Variants in WNT2B observed in about 807,000 individuals in gnomAD.
WNT2B encodes protein Wnt-2b.
In WNT2B, 19 loss-of-function variants were observed where a neutral mutation model predicts 40.5. The observed-to-expected ratio is 0.47, with a 90% CI of 0.33 to 0.69. The LOEUF (loss-of-function observed/expected upper bound fraction) is 0.69. Ranked by LOEUF, WNT2B falls within the 30% of genes least tolerant of loss-of-function variation. The pLI, the probability that WNT2B is intolerant of heterozygous loss-of-function variation, is 0.02. For synonymous variants in WNT2B, 220 were observed against 211.9 expected (o/e 1.04, Z -0.33); for missense variants, 467 against 556.4 (o/e 0.84, Z 1.62).
chr1:112,517,368 T>A lies in WNT2B; in HGVS notation c.929T>A (p.Val310Asp), dbSNP rs1485859469. Residue 310 changes from valine (V) to aspartate (D), a missense_variant, in exon 4 of 5, where the codon GTC becomes GAC. By Grantham distance (152) the Val-to-Asp change is radical. Coordinates refer to ENST00000369684, the MANE Select transcript of WNT2B (RefSeq NM_024494.3). ...TTTGACAACTCTCCAGATTACTGTG[T>A]CTTGGACAAGGCTGCAGGTGAGTAA... ...VYFDNSPDYC[V>D]LDKAAGSLGT... 7.5e-6 allele frequency: 12 copies of A among 1,606,416 alleles called. No individual in the cohort carries two copies. Among genetic ancestry groups the A allele is most frequent in the Non-Finnish European group, 9.4e-6 (11 of 1,173,738 alleles).
At chr1:112,496,254 AC>A (rs1231325891) in intron 1 of WNT2B, among the ~76,000 whole-genome samples, 1 of 152,192 alleles carries the variant, frequency 6.6e-6, no homozygotes, top group Non-Finnish European at 1.5e-5. Context: ...AGCTAGGACT[AC>A]AGGCATTTGC....
intron 1 of WNT2B, among the ~76,000 whole-genome samples, chr1:112,491,771 G>C (rs1651612589): frequency 6.6e-6 from 1 of 152,096 alleles, no homozygotes; most frequent in Non-Finnish European, 1.5e-5. Flanking sequence ...CACACCTGTG[G>C]TCCTAACTAC....
intron 1 of WNT2B, among the ~76,000 whole-genome samples, chr1:112,476,581 C>T (rs1651060183): frequency 6.6e-6 from 1 of 152,186 alleles, no homozygotes; most frequent in Non-Finnish European, 1.5e-5. Context: ...ACCCCATCCC[C>T]CAGTCCAAGC....
chr1:112,491,086 A>G lies in WNT2B; in HGVS notation c.-95+23495A>G, dbSNP rs376409195. The G allele has an allele frequency of 3.0e-5, 49 of 1,613,354 alleles. 1 individual carries two copies. The highest frequency in any genetic ancestry group is 3.6e-5 in the Non-Finnish European group (43 of 1,179,680). On this transcript the variant is annotated intron_variant, in intron 1 of 4. Coordinates refer to the WNT2B transcript ENST00000256640. ...GTTCAACAAGTGTTTGCAAAGGTACATGATAATTAAAATGTCAGATAACCA... is the reference window on the plus strand; with the variant it reads ...GTTCAACAAGTGTTTGCAAAGGTACGTGATAATTAAAATGTCAGATAACCA...
intron 1 of WNT2B, among the ~76,000 whole-genome samples, chr1:112,476,121 C>T (rs551885124): frequency 3.7e-4 from 57 of 152,006 alleles, no homozygotes; most frequent in Non-Finnish European, 6.8e-4. Flanking sequence ...CAATGGAATT[C>T]AATTAGAGTA....
chr1:112,495,893 A>C (rs1651752458), intron 1 of WNT2B, among the ~76,000 whole-genome samples: 1 of 152,182 alleles, frequency 6.6e-6, no homozygotes, highest in Admixed American at 6.6e-5. Context: ...GGTGTCTTGA[A>C]TGCTGAATCC....
chr1:112,476,687 C>T (rs1297574512), intron 1 of WNT2B, among the ~76,000 whole-genome samples: 1 of 152,168 alleles, frequency 6.6e-6, no homozygotes, highest in Admixed American at 6.5e-5. Flanking sequence ...CCTTTGCCAC[C>T]AATGCAAACA....
upstream of WNT2B, among the ~76,000 whole-genome samples, chr1:112,508,341 G>A (rs953502483): frequency 2.0e-5 from 3 of 150,788 alleles, no homozygotes; most frequent in African/African-American, 7.3e-5. This position sits in a 1 kb window ranked among gnomAD's most constrained non-coding sequence, Gnocchi z 4.2. Flanking sequence ...ACCCGGGCCG[G>A]GCAGGCCGGG....
chr1:112,490,919 C>T (rs1010081196), intron 1 of WNT2B: 1 of 1,325,544 alleles, frequency 7.5e-7, no homozygotes, highest in Non-Finnish European at 1.1e-6. Context: ...AATAGCTCTA[C>T]CCTAAATAAA....
rs1653093061 is a variant in WNT2B at position 112,524,357 on chromosome 1, A to G, written c.*3848A>G. ...GCGAAGGGAGGACGCCAGGGAGAGT[A>G]TGTTTCTCATCCCTGGGAGGCATTC... On this transcript the variant is annotated 3_prime_UTR_variant, in exon 5 of 5. Transcript: ENST00000369684. 1 of 152,554 alleles carries G rather than the reference A, an allele frequency of 6.6e-6. No individual in the cohort carries two copies. Among genetic ancestry groups the G allele is most frequent in the Non-Finnish European group, 1.5e-5 (1 of 68,038 alleles). 9.5% of individuals were successfully genotyped at this position (152,554 alleles called of 1,614,324 possible). A position where few individuals can be genotyped will look rare whatever the true frequency, so the allele number is the denominator to read the frequency against.
At chr1:112,520,187 T>C (rs2101100520) in intron 4 of WNT2B, 93 bp from the exon 5 acceptor site, 1 of 1,318,502 alleles carries the variant, frequency 7.6e-7, no homozygotes, top group South Asian at 1.3e-5. Context: ...AAAAAAGCGA[T>C]TCTTTTTATC....
In WNT2B at chr1:112,526,046, CA is replaced by C. The variant is rs1425207521; in HGVS notation, c.*5540del. 3 of 1,614,080 alleles carry C rather than the reference CA, an allele frequency of 1.9e-6. No homozygotes were observed. In the African/African-American group the frequency reaches 4.0e-5, roughly 22 times the overall value. ...AACTCAAACCTAGGTCTTCTGACTTCAAATCCTGTGTATTCTCCTCAAAGCC... is the reference window on the plus strand; with the variant it reads ...AACTCAAACCTAGGTCTTCTGACTTCAATCCTGTGTATTCTCCTCAAAGCC... On this transcript the variant is annotated 3_prime_UTR_variant, in exon 5 of 5. Coordinates refer to ENST00000369684, the MANE Select transcript of WNT2B (RefSeq NM_024494.3).
At chr1:112,485,616 A>G (rs1651391857) in intron 1 of WNT2B, among the ~76,000 whole-genome samples, 2 of 152,390 alleles carry the variant, frequency 1.3e-5, no homozygotes, top group South Asian at 2.1e-4. Context: ...TGCAAATGCA[A>G]TTCAATGGAG....
rs142420861 is a variant in WNT2B at position 112,489,075 on chromosome 1, C to T, written c.-95+21484C>T. Among the ~76,000 whole-genome samples, 280 of 152,168 alleles carry T rather than the reference C, an allele frequency of 1.8e-3. 1 individual carries two copies. The highest frequency in any genetic ancestry group is 3.2e-3 in the Non-Finnish European group (220 of 68,008). Reference sequence around the variant, plus strand: ...TAAAGGTCAGGTATGAAGATGTTTGCGGAGGCATTTTTTGATATTTTTGAT... The same window carrying T: ...TAAAGGTCAGGTATGAAGATGTTTGTGGAGGCATTTTTTGATATTTTTGAT... On this transcript the variant is annotated intron_variant, in intron 1 of 4. Coordinates refer to the WNT2B transcript ENST00000256640.
chr1:112,507,878 A>G (rs533245298), upstream of WNT2B, among the ~76,000 whole-genome samples: 15 of 152,298 alleles, frequency 9.8e-5, no homozygotes, highest in South Asian at 3.1e-3. Context: ...TTTAAAAAGA[A>G]TTTTACTTCT....
In WNT2B at chr1:112,522,815, C is replaced by G. The variant is rs900921564; in HGVS notation, c.*2306C>G. Reference sequence around the variant, plus strand: ...TGTGGAGAAATGGGCCTGAGTGAGTCAGGCCAAGAGAATGTCTTCCTTCAG... The same window carrying G: ...TGTGGAGAAATGGGCCTGAGTGAGTGAGGCCAAGAGAATGTCTTCCTTCAG... On this transcript the variant is annotated 3_prime_UTR_variant, in exon 5 of 5. Coordinates refer to ENST00000369684, the MANE Select transcript of WNT2B (RefSeq NM_024494.3). The G allele has an allele frequency of 6.6e-6, 1 of 152,068 alleles. No individual in the cohort carries two copies. Among genetic ancestry groups the G allele is most frequent in the Non-Finnish European group, 1.5e-5 (1 of 68,052 alleles). The allele number at this position is 152,068 out of a possible 1,614,324, so 9.4% of individuals were successfully genotyped here.
At chr1:112,519,890 TTTG>T (rs1336753857) in intron 4 of WNT2B, among the ~76,000 whole-genome samples, 104 of 150,562 alleles carry the variant, frequency 6.9e-4, no homozygotes, top group African/African-American at 2.3e-3. Flanking sequence ...TTTTTTTTTT[TTTG>T]GAGACAGAGT....
chr1:112,506,103 C>T (rs141276758), upstream of WNT2B, among the ~76,000 whole-genome samples: 9 of 152,136 alleles, frequency 5.9e-5, no homozygotes, highest in Non-Finnish European at 1.0e-4. Flanking sequence ...ACTTCCTGGG[C>T]GTAAACAATC....
intron 1 of WNT2B, among the ~76,000 whole-genome samples, chr1:112,488,321 A>AACAC (rs572294006): frequency 3.3e-5 from 5 of 149,376 alleles, no homozygotes; most frequent in South Asian, 2.1e-4. Context: ...ACAACAACAA[A>AACAC]ACACACACAC....
Sources: gnomAD v4.1 joint callset for allele counts (sites outside exome capture counted in the v4.1 genomes callset) on GRCh38, gnomAD v4.1.1 for gene constraint, Gnocchi (gnomAD v3.1) non-coding constraint, MANE v1.5 for transcripts, NCBI Gene and HGNC (gene_info 2026-07-23, HGNC 2026-07-21) for gene names.